Variants in NRG3 observed in about 807,000 individuals in gnomAD.
The protein encoded by NRG3 is neuregulin 3.
NRG3 carries 31 observed loss-of-function variants against 66.9 expected under a neutral mutation model. The ratio of observed to expected loss-of-function variants is 0.46; its 90% CI spans 0.35 to 0.63. The LOEUF (loss-of-function observed/expected upper bound fraction) is 0.63, where lower values mean the gene tolerates loss of function less well. Ranked by LOEUF, NRG3 falls within the 20% of genes least tolerant of loss-of-function variation. The pLI, the probability that NRG3 is intolerant of heterozygous loss-of-function variation, is 0.00. For missense variants in NRG3, 910 were observed against 878.9 expected (o/e 1.04, Z -0.45); for synonymous variants, 393 against 359.4 (o/e 1.09, Z -1.06).
At chr10:82,867,102 C>G (rs760872523) in intron 4 of NRG3, among the ~76,000 whole-genome samples, 7 of 152,108 alleles carry the variant, frequency 4.6e-5, no homozygotes, top group Non-Finnish European at 8.8e-5. Context: ...ATAGAGCCCA[C>G]GTTATTATAA....
intron 2 of NRG3, among the ~76,000 whole-genome samples, chr10:82,724,002 AAAATTT>A (rs1565242457): frequency 9.2e-5 from 14 of 151,918 alleles, no homozygotes; most frequent in African/African-American, 2.9e-4. Context: ...ATAAATAAAA[AAAATTT>A]AAAAAATAAA....
intron 1 of NRG3, among the ~76,000 whole-genome samples, chr10:82,096,425 G>A (rs1298873412): frequency 6.6e-6 from 1 of 151,982 alleles, no homozygotes; most frequent in Admixed American, 6.6e-5. Context: ...GCAGTGAGCC[G>A]AGATTGCACT....
At chr10:82,152,075 A>G (rs765382286) in intron 1 of NRG3, among the ~76,000 whole-genome samples, 1 of 152,190 alleles carries the variant, frequency 6.6e-6, no homozygotes, top group Admixed American at 6.5e-5. Context: ...AAGAAACTAA[A>G]TATTTTAGGC....
intron 1 of NRG3, among the ~76,000 whole-genome samples, chr10:82,046,993 G>C (rs956880868): frequency 2.0e-4 from 28 of 141,892 alleles, no homozygotes; most frequent in Non-Finnish European, 4.0e-4. Flanking sequence ...GAGGATTTTT[G>C]CATCAATGTT....
chr10:82,501,777 T>G (rs1178181576), intron 2 of NRG3, among the ~76,000 whole-genome samples: 4 of 152,200 alleles, frequency 2.6e-5, no homozygotes, highest in Non-Finnish European at 5.9e-5. Flanking sequence ...AAAATGGGAC[T>G]TTTTAGTTCT....
chr10:82,829,927 G>A (rs920855135), intron 3 of NRG3, among the ~76,000 whole-genome samples: 3 of 152,148 alleles, frequency 2.0e-5, no homozygotes, highest in Non-Finnish European at 4.4e-5. Flanking sequence ...TGAGATACTT[G>A]CCCCTGGGTG....
intron 1 of NRG3, among the ~76,000 whole-genome samples, chr10:82,165,915 T>A (rs2072013986): frequency 6.6e-6 from 1 of 151,918 alleles, no homozygotes; most frequent in South Asian, 2.1e-4. Context: ...CATCTTCCCA[T>A]TTGTTTTCTT....
chr10:82,779,262 G>A (rs1318403264), intron 3 of NRG3, among the ~76,000 whole-genome samples: 2 of 152,112 alleles, frequency 1.3e-5, no homozygotes, highest in Non-Finnish European at 2.9e-5. Context: ...TGGTGATGAA[G>A]GTTGCTAGGG....
intron 1 of NRG3, among the ~76,000 whole-genome samples, chr10:82,238,919 T>TATATACATATATATATATGTATATAC (rs1554857648): frequency 7.0e-6 from 1 of 142,142 alleles, no homozygotes; most frequent in Non-Finnish European, 1.5e-5. Flanking sequence ...ACCGTATATA[T>TATATACATATATATATATGTATATAC]ATATATATAA....
intron 1 of NRG3, among the ~76,000 whole-genome samples, chr10:82,029,037 CG>C (rs2062446931): frequency 6.6e-6 from 1 of 151,870 alleles, no homozygotes. Flanking sequence ...GGTAAAACCC[CG>C]TTTTTACTAA....
At chr10:82,401,336 G>A (rs1017846958) in intron 2 of NRG3, among the ~76,000 whole-genome samples, 1 of 151,718 alleles carries the variant, frequency 6.6e-6, no homozygotes. Context: ...TATAATGTAT[G>A]TATATAAATT....
intron 2 of NRG3, among the ~76,000 whole-genome samples, chr10:82,425,700 T>C (rs1011884280): frequency 3.3e-5 from 5 of 152,148 alleles, no homozygotes; most frequent in Non-Finnish European, 7.4e-5. Flanking sequence ...TAGTCTTTGA[T>C]TGAGATTTTA....
chr10:82,583,132 T>G (rs1024246872), intron 2 of NRG3, among the ~76,000 whole-genome samples: 4 of 152,124 alleles, frequency 2.6e-5, no homozygotes, highest in African/African-American at 9.7e-5. Flanking sequence ...CAAGAAATAC[T>G]GGGAAGAGGA....
At chr10:82,684,571 T>C (rs952954159) in intron 2 of NRG3, among the ~76,000 whole-genome samples, 1 of 149,710 alleles carries the variant, frequency 6.7e-6, no homozygotes, top group African/African-American at 2.6e-5. Context: ...ATTACTGCTT[T>C]CTTTTTTTCT....
At chr10:82,413,049 A>G (rs2088229276) in intron 2 of NRG3, among the ~76,000 whole-genome samples, 1 of 152,104 alleles carries the variant, frequency 6.6e-6, no homozygotes, top group Non-Finnish European at 1.5e-5. Context: ...ACTTCTTTCC[A>G]ACCTTTGTTA....
intron 1 of NRG3, among the ~76,000 whole-genome samples, chr10:82,140,076 G>C (rs753188040): frequency 1.6e-4 from 25 of 152,092 alleles, no homozygotes; most frequent in Non-Finnish European, 3.7e-4. Flanking sequence ...CAAAAAAAAT[G>C]TTCATCAGGC....
chr10:82,775,348 T>C (rs1208118121), intron 3 of NRG3, among the ~76,000 whole-genome samples: 1 of 152,108 alleles, frequency 6.6e-6, no homozygotes, highest in Non-Finnish European at 1.5e-5. Context: ...AAATTCTCTT[T>C]TGATTTGTTC....
At chr10:82,983,397 G>C (rs1451581000) in intron 8 of NRG3, among the ~76,000 whole-genome samples, 2 of 152,134 alleles carry the variant, frequency 1.3e-5, no homozygotes, top group East Asian at 1.9e-4. Context: ...AATGAGAATG[G>C]AGTAATATTC....
intron 2 of NRG3, among the ~76,000 whole-genome samples, chr10:82,646,556 A>T (rs981394093): frequency 1.3e-5 from 2 of 152,216 alleles, no homozygotes; most frequent in African/African-American, 4.8e-5. Context: ...GTAAATTACG[A>T]TGTCGAAGAC....
Sources: allele counts gnomAD v4.1 joint callset (sites outside exome capture counted in the v4.1 genomes callset), GRCh38; gene constraint gnomAD v4.1.1; transcripts MANE v1.5; gene names NCBI Gene and HGNC (gene_info 2026-07-23, HGNC 2026-07-21).